The following PPM1H variants were observed in gnomAD, a reference collection of about 807,000 sequenced individuals.
PPM1H encodes the protein protein phosphatase, Mg2+/Mn2+ dependent 1H.
In PPM1H, 27 loss-of-function variants were observed where a neutral mutation model predicts 54.9. The observed-to-expected ratio is 0.49, with a 90% confidence interval of 0.36 to 0.68. PPM1H has a LOEUF of 0.68. PPM1H is among the 30% of genes least tolerant of loss of function. The pLI is 0.00. For synonymous variants in PPM1H, 305 were observed against 270.8 expected (o/e 1.13, Z -1.24); for missense variants, 596 against 667.8 (o/e 0.89, Z 1.19).
In PPM1H at chr12:62,838,449, G is replaced by A. The variant is rs147076316; in HGVS notation, c.246-6170C>T. ...ATGTCTCATGTGGTTCTCTCAAGTG[G>A]TTACTGGCCACACAGATGGGCTGGA... On this transcript the variant is annotated intron_variant, in intron 1 of 9. Coordinates refer to ENST00000228705, the MANE Select transcript of PPM1H (RefSeq NM_020700.2). Among the ~76,000 whole-genome samples the A allele has an allele frequency of 1.1e-4, 17 of 152,164 alleles. No homozygotes were observed. The East Asian group carries it at 3.1e-3, about 28-fold the overall frequency.
intron 2 of PPM1H, among the ~76,000 whole-genome samples, chr12:62,823,634 C>T (rs952459028): frequency 5.9e-5 from 9 of 152,276 alleles, no homozygotes; most frequent in African/African-American, 2.2e-4. Flanking sequence ...ATAAACAGAA[C>T]CAATGACAAA....
intron 1 of PPM1H, among the ~76,000 whole-genome samples, chr12:62,891,907 G>A (rs1317433628): frequency 6.6e-6 from 1 of 152,130 alleles, no homozygotes; most frequent in Non-Finnish European, 1.5e-5. Context: ...TCTTCAGTTT[G>A]GCTGAAGTGT....
At chr12:62,766,538 CA>C (rs1020265452) in intron 4 of PPM1H, among the ~76,000 whole-genome samples, 6 of 150,752 alleles carry the variant, frequency 4.0e-5, no homozygotes, top group African/African-American at 1.5e-4. Flanking sequence ...ACTCAGGGCC[CA>C]AAATGAATTA....
chr12:62,796,074 T>C (rs2120728818), intron 3 of PPM1H, among the ~76,000 whole-genome samples: 1 of 152,316 alleles, frequency 6.6e-6, no homozygotes, highest in African/African-American at 2.4e-5. Flanking sequence ...AAAAGAATAC[T>C]GATTTTAAGA....
intron 4 of PPM1H, among the ~76,000 whole-genome samples, chr12:62,787,045 T>A (rs1023901301): frequency 6.6e-6 from 1 of 152,178 alleles, no homozygotes; most frequent in African/African-American, 2.4e-5. Flanking sequence ...TTGCTCCTTG[T>A]TCTCTGGGAT....
Position 62,934,477 on chromosome 12 carries a change from T to A in PPM1H, c.245+15A>T, listed in dbSNP as rs965939169. ...GCGAGGAGAGCAGGGGCGCCGCCGG[T>A]GTCGCTGCACTCACTCTGCGTAGCC... is the stretch of plus-strand genomic sequence containing the variant. On this transcript the variant is annotated intron_variant, in intron 1 of 9. Transcript: ENST00000228705. This position sits in a 1 kb window ranked among gnomAD's most constrained non-coding sequence, Gnocchi z 4.2. 2.6e-6 allele frequency: 4 copies of A among 1,531,302 alleles called. No homozygotes were observed. The highest frequency in any genetic ancestry group is 2.0e-5 in the Admixed American group (1 of 49,830). 94.9% of individuals were successfully genotyped at this position (1,531,302 alleles called of 1,614,324 possible).
intron 6 of PPM1H, among the ~76,000 whole-genome samples, chr12:62,703,241 T>C (rs1188400523): frequency 6.6e-6 from 1 of 152,154 alleles, no homozygotes; most frequent in Non-Finnish European, 1.5e-5. Flanking sequence ...TGAAGGAGCA[T>C]ACCCGTGCAA....
rs1868874432 is a variant in PPM1H, at chr12:62,844,365, A to AG, written c.246-12087dup. 6.6e-6 allele frequency among the ~76,000 whole-genome samples: 1 copy of AG among 152,142 alleles called. No homozygotes were observed. Among genetic ancestry groups the AG allele is most frequent in the Non-Finnish European group, 1.5e-5 (1 of 68,022 alleles). ...ATTCCTGAGGAGAAATAATGTTCTGAGGGGCAAGGGGGGCGTCTTATCTCT... is the reference window on the plus strand; with the variant it reads ...ATTCCTGAGGAGAAATAATGTTCTGAGGGGGCAAGGGGGGCGTCTTATCTCT... On this transcript the variant is annotated intron_variant, in intron 1 of 9. Coordinates refer to ENST00000228705, the MANE Select transcript of PPM1H (RefSeq NM_020700.2). This position sits in a 1 kb window ranked among gnomAD's most constrained non-coding sequence, Gnocchi z 5.2.
chr12:62,839,874 CA>C (rs746381032), intron 1 of PPM1H, among the ~76,000 whole-genome samples: 10,912 of 84,140 alleles, frequency 0.13, 494 homozygotes, highest in Middle Eastern at 0.22. Flanking sequence ...CCTGTTTCTA[CA>C]AAAAAAAAAA....
In PPM1H at chr12:62,844,323, A is replaced by G. The variant is rs1345606292; in HGVS notation, c.246-12044T>C. On this transcript the variant is annotated intron_variant, in intron 1 of 9. Coordinates refer to ENST00000228705, the MANE Select transcript of PPM1H (RefSeq NM_020700.2). The surrounding 1 kb of genome is among the most constrained non-coding windows in gnomAD (Gnocchi z 5.2). ...GCTTAGTATGGATTACTACATTCCA[A>G]GGAAGATTGCTTTAGCATTCCTGAG... Among the ~76,000 whole-genome samples the G allele has an allele frequency of 6.6e-6, 1 of 152,232 alleles. No individual in the cohort carries two copies. Among genetic ancestry groups the G allele is most frequent in the Non-Finnish European group, 1.5e-5 (1 of 68,050 alleles).
intron 1 of PPM1H, among the ~76,000 whole-genome samples, chr12:62,928,440 C>G (rs1011645789): frequency 6.6e-5 from 10 of 152,180 alleles, no homozygotes; most frequent in Non-Finnish European, 1.5e-4. Flanking sequence ...CTTACATGGT[C>G]AGTAGGAAAC....
chr12:62,659,574 C>T lies in PPM1H; in HGVS notation c.1397+7604G>A, dbSNP rs143790704. On this transcript the variant is annotated intron_variant, in intron 9 of 9. Coordinates refer to ENST00000228705, the MANE Select transcript of PPM1H (RefSeq NM_020700.2). ...AGGATGTCAACAGAGGAAGACAATG[C>T]TGGCAATTTGTTTAGAATGGCTGTC... Among the ~76,000 whole-genome samples the T allele has an allele frequency of 6.7e-3, 1,014 of 152,240 alleles. 3 individuals are homozygous for T. Among genetic ancestry groups the T allele is most frequent in the South Asian group, 0.019 (91 of 4,810 alleles).
Position 62,825,415 on chromosome 12 carries a change from C to T in PPM1H, c.411+6699G>A, listed in dbSNP as rs561150292. Among the ~76,000 whole-genome samples, 59 of 152,170 alleles carry T rather than the reference C, an allele frequency of 3.9e-4. No homozygotes were observed. In the South Asian group the frequency reaches 7.9e-3, roughly 20 times the overall value. ...CCCAAAGGGTTATAAATCATGCTACCGTAAAGACACATGCACACGTATGTT... is the reference window on the plus strand; with the variant it reads ...CCCAAAGGGTTATAAATCATGCTACTGTAAAGACACATGCACACGTATGTT... On this transcript the variant is annotated intron_variant, in intron 2 of 9. Coordinates refer to ENST00000228705, the MANE Select transcript of PPM1H (RefSeq NM_020700.2).
At chr12:62,735,064 A>T (rs1362793425) in intron 5 of PPM1H, among the ~76,000 whole-genome samples, 1 of 152,104 alleles carries the variant, frequency 6.6e-6, no homozygotes, top group East Asian at 1.9e-4. Context: ...ACAAAAAAAC[A>T]ACGGAAGGTG....
At position 62,788,261 on chromosome 12, in the gene PPM1H, C is replaced by A; in HGVS notation, c.834G>T (p.Leu278Phe). The A allele has an allele frequency of 6.3e-7, 1 of 1,599,768 alleles. No homozygotes were observed. The highest frequency in any genetic ancestry group is 2.2e-5 in the East Asian group (1 of 44,548). ...CAGCATTTGCAACATACAGCTTCCCCAAAAGGCAAATCACAATGAGGGCCG... is the reference window on the plus strand; with the variant it reads ...CAGCATTTGCAACATACAGCTTCCCAAAAAGGCAAATCACAATGAGGGCCG... Reference protein sequence around the residue: ...GCTALIVICLLGKLYVANAGD... With the variant: ...GCTALIVICLFGKLYVANAGD... Residue 278 changes from leucine to phenylalanine, a missense_variant, in exon 4 of 10, where the codon TTG (leucine) becomes TTT (phenylalanine). Leu to Phe is a conservative substitution (Grantham distance 22, BLOSUM62 0). This residue lies in a region of PPM1H where 382 missense variants were observed against 387.1 expected (regional missense o/e 0.99). Coordinates refer to ENST00000228705, the MANE Select transcript of PPM1H (RefSeq NM_020700.2).
At chr12:62,905,881 G>T (rs941855011) in intron 1 of PPM1H, among the ~76,000 whole-genome samples, 1 of 152,116 alleles carries the variant, frequency 6.6e-6, no homozygotes. Context: ...ATGATGCAAA[G>T]AACCAGGCAA....
At chr12:62,718,095 T>C (rs2076245155) in intron 6 of PPM1H, among the ~76,000 whole-genome samples, 1 of 152,226 alleles carries the variant, frequency 6.6e-6, no homozygotes, top group Non-Finnish European at 1.5e-5. Context: ...CTGTCAATTA[T>C]ACCTCCTTTA....
intron 1 of PPM1H, among the ~76,000 whole-genome samples, chr12:62,841,314 C>G (rs1301193466): frequency 6.6e-6 from 1 of 151,800 alleles, no homozygotes; most frequent in Non-Finnish European, 1.5e-5. Flanking sequence ...ACACAGCCTG[C>G]AAGTTAAGAA....
At chr12:62,775,772 C>T (rs1395010658) in intron 4 of PPM1H, among the ~76,000 whole-genome samples, 2 of 152,258 alleles carry the variant, frequency 1.3e-5, no homozygotes, top group East Asian at 3.8e-4. Context: ...TCCTCTGCCT[C>T]ACCTACTACC....
Sources: gnomAD v4.1 joint callset for allele counts (sites outside exome capture counted in the v4.1 genomes callset) on GRCh38, gnomAD v4.1.1 for gene constraint, gnomAD v4.1.1 regional missense constraint, Gnocchi (gnomAD v3.1) non-coding constraint, MANE v1.5 for transcripts, NCBI Gene and HGNC (gene_info 2026-07-23, HGNC 2026-07-21) for gene names.